Variants in COG5 observed in about 807,000 individuals in gnomAD.
The protein encoded by COG5 is component of oligomeric golgi complex 5, also known as conserved oligomeric Golgi complex subunit 5.
A neutral mutation model predicts 110.4 loss-of-function variants in COG5; 86 were observed. That is an observed-to-expected ratio of 0.78 (90% CI 0.65 to 0.93). The LOEUF (loss-of-function observed/expected upper bound fraction) is 0.93. COG5 is among the 40% of genes least tolerant of loss of function. The pLI, the probability that COG5 is intolerant of heterozygous loss-of-function variation, is 0.00. For synonymous variants in COG5, 360 were observed against 334.6 expected (o/e 1.08, Z -0.83); for missense variants, 1,077 against 987.0 (o/e 1.09, Z -1.22).
intron 11 of COG5, among the ~76,000 whole-genome samples, chr7:107,320,214 T>C (rs774716080): frequency 2.0e-5 from 3 of 152,116 alleles, no homozygotes; most frequent in Non-Finnish European, 4.4e-5. Context: ...AGAAGACAGA[T>C]GTTGATTTTA....
At chr7:107,320,171 G>A (rs1278508975) in intron 11 of COG5, among the ~76,000 whole-genome samples, 1 of 152,036 alleles carries the variant, frequency 6.6e-6, no homozygotes, top group Non-Finnish European at 1.5e-5. Context: ...CTGAAAAATT[G>A]GTGACTCTGT....
rs117911895 is a variant in COG5, at chr7:107,517,314, T to G, written c.538+9923A>C. Among the ~76,000 whole-genome samples, 363 of 149,976 alleles carry G rather than the reference T, an allele frequency of 2.4e-3. 3 individuals carry two copies. Among genetic ancestry groups the G allele is most frequent in the Middle Eastern group, 3.5e-3 (1 of 286 alleles). On this transcript the variant is annotated intron_variant, in intron 6 of 21. Transcript: ENST00000297135. Reference sequence around the variant, plus strand: ...TAGAGAAAAAAGAATGAAAAAAAAATGAACAAAATCTCGGAGAAATATGGA... The same window carrying G: ...TAGAGAAAAAAGAATGAAAAAAAAAGGAACAAAATCTCGGAGAAATATGGA...
At chr7:107,391,531 G>T (rs1394908146) in intron 7 of COG5, among the ~76,000 whole-genome samples, 1 of 151,974 alleles carries the variant, frequency 6.6e-6, no homozygotes, top group Non-Finnish European at 1.5e-5. Flanking sequence ...CTGTGCTTTT[G>T]GTGTCATATC....
At chr7:107,476,918 A>G (rs1355306593) in intron 6 of COG5, among the ~76,000 whole-genome samples, 1 of 151,574 alleles carries the variant, frequency 6.6e-6, no homozygotes, top group African/African-American at 2.4e-5. Flanking sequence ...AGTAGCTTGA[A>G]CTCACTAAGG....
At chr7:107,212,009 G>A (rs1310721818) in intron 19 of COG5, among the ~76,000 whole-genome samples, 1 of 152,080 alleles carries the variant, frequency 6.6e-6, no homozygotes, top group Non-Finnish European at 1.5e-5. Flanking sequence ...CATGTAAAAC[G>A]GCACTGTATC....
chr7:107,530,614 A>AC (rs1016557202), intron 5 of COG5, among the ~76,000 whole-genome samples: 10 of 149,566 alleles, frequency 6.7e-5, no homozygotes, highest in East Asian at 1.9e-4. Flanking sequence ...AAAAAAAAAA[A>AC]AAAAAAAAAA....
intron 19 of COG5, among the ~76,000 whole-genome samples, chr7:107,229,230 C>G (rs1351725489): frequency 6.6e-6 from 1 of 152,148 alleles, no homozygotes; most frequent in African/African-American, 2.4e-5. Context: ...GCAGGCAGAT[C>G]ACGAGGAGAG....
At chr7:107,535,969 G>A (rs560242795) in intron 5 of COG5, among the ~76,000 whole-genome samples, 9 of 152,128 alleles carry the variant, frequency 5.9e-5, no homozygotes, top group South Asian at 4.2e-4. Flanking sequence ...TGATCAACTC[G>A]GCTTAATCCC....
intron 14 of COG5, among the ~76,000 whole-genome samples, chr7:107,270,829 T>C (rs1424622285): frequency 6.6e-6 from 1 of 150,776 alleles, no homozygotes; most frequent in East Asian, 1.9e-4. Flanking sequence ...CTTTCAATGT[T>C]CCATTTTTCT....
rs183031806 is a variant in COG5 at position 107,258,498 on chromosome 7, A to G, written c.1576-115T>C. ...CACACACATTCTTTAACCGGGGAGA[A>G]GTTCATGCCCCTCTGACAAAGAGAA... On this transcript the variant is annotated intron_variant, in intron 14 of 21. Coordinates refer to ENST00000297135, the MANE Select transcript of COG5 (RefSeq NM_006348.5). 28 of 741,436 alleles carry G rather than the reference A, an allele frequency of 3.8e-5. No homozygotes were observed. In the East Asian group the frequency reaches 6.4e-4, roughly 17 times the overall value. The allele number at this position is 741,436 out of a possible 1,614,324, so 45.9% of individuals were successfully genotyped here.
At chr7:107,503,410 T>C (rs1237148150) in intron 6 of COG5, among the ~76,000 whole-genome samples, 2 of 152,188 alleles carry the variant, frequency 1.3e-5, no homozygotes, top group African/African-American at 2.4e-5. Flanking sequence ...TACAGCCTTG[T>C]AGTATAACTA....
At chr7:107,419,532 A>G (rs1793123171) in intron 6 of COG5, among the ~76,000 whole-genome samples, 1 of 152,036 alleles carries the variant, frequency 6.6e-6, no homozygotes, top group African/African-American at 2.4e-5. Context: ...AAATAGAGAA[A>G]GGCATCATCA....
At chr7:107,297,421 C>G (rs1806844898) in intron 12 of COG5, among the ~76,000 whole-genome samples, 1 of 149,632 alleles carries the variant, frequency 6.7e-6, no homozygotes, top group African/African-American at 2.5e-5. Context: ...CTACAAATAC[C>G]CAAGGGATGA....
intron 8 of COG5, among the ~76,000 whole-genome samples, chr7:107,364,845 A>T (rs1813453138): frequency 6.6e-6 from 1 of 152,208 alleles, no homozygotes; most frequent in South Asian, 2.1e-4. Flanking sequence ...TGTTGGCTTA[A>T]AAAATATAGA....
intron 6 of COG5, among the ~76,000 whole-genome samples, chr7:107,526,335 T>A (rs1043385558): frequency 1.3e-5 from 2 of 152,186 alleles, no homozygotes; most frequent in African/African-American, 4.8e-5. Context: ...GGCAGTTCTA[T>A]GTGCACTCAC....
At chr7:107,560,072 C>A (rs1803655360) in intron 1 of COG5, among the ~76,000 whole-genome samples, 1 of 152,216 alleles carries the variant, frequency 6.6e-6, no homozygotes, top group Non-Finnish European at 1.5e-5. Flanking sequence ...ATTAGTCACA[C>A]AGCAATGTGC....
intron 2 of COG5, among the ~76,000 whole-genome samples, chr7:107,555,740 G>A (rs374304434): frequency 4.6e-5 from 7 of 152,018 alleles, no homozygotes; most frequent in African/African-American, 1.4e-4. Context: ...GGCTGGGCAC[G>A]GTGGCTCACA....
intron 11 of COG5, among the ~76,000 whole-genome samples, chr7:107,301,860 C>T (rs1170667900): frequency 6.6e-6 from 1 of 151,918 alleles, no homozygotes; most frequent in Non-Finnish European, 1.5e-5. Context: ...CATAGTGAGA[C>T]TCTGCCTCAA....
chr7:107,213,764 A>G (rs1197515571), intron 19 of COG5, among the ~76,000 whole-genome samples: 1 of 152,194 alleles, frequency 6.6e-6, no homozygotes, highest in African/African-American at 2.4e-5. Flanking sequence ...GTAAATAATG[A>G]AGTTAAATCT....
Sources: allele counts gnomAD v4.1 joint callset (sites outside exome capture counted in the v4.1 genomes callset), GRCh38; gene constraint gnomAD v4.1.1; transcripts MANE v1.5; gene names NCBI Gene and HGNC (gene_info 2026-07-23, HGNC 2026-07-21).